ROBO1: variants seen among roughly 807,000 people sequenced by gnomAD.
The protein encoded by ROBO1 is roundabout guidance receptor 1.
A neutral mutation model predicts 195.9 loss-of-function variants in ROBO1; 149 were observed. The ratio of observed to expected loss-of-function variants is 0.76; its 90% confidence interval spans 0.67 to 0.87. ROBO1 has a LOEUF of 0.87. ROBO1 is among the 40% of genes least tolerant of loss of function. The pLI, the probability that ROBO1 is intolerant of heterozygous loss-of-function variation, is 0.00. For synonymous variants in ROBO1, 816 were observed against 733.2 expected, an observed-to-expected ratio of 1.11 and a Z score of -1.82; for missense variants, 1,933 against 2,068.3, an observed-to-expected ratio of 0.93 and a Z score of 1.27.
intron 2 of ROBO1, among the ~76,000 whole-genome samples, chr3:79,379,129 C>G (rs1168479448): frequency 2.0e-5 from 3 of 152,104 alleles, no homozygotes; most frequent in African/African-American, 7.2e-5. Flanking sequence ...ACATGTACCT[C>G]TAAGTCAACT....
intron 2 of ROBO1, among the ~76,000 whole-genome samples, chr3:79,293,188 T>C (rs537425012): frequency 6.6e-6 from 1 of 152,328 alleles, no homozygotes; most frequent in Admixed American, 6.5e-5. Flanking sequence ...TATTCTCTGA[T>C]GGTAAGTAGT....
chr3:78,963,333 C>T (rs1239800724), intron 3 of ROBO1, among the ~76,000 whole-genome samples: 6 of 151,672 alleles, frequency 4.0e-5, no homozygotes, highest in Non-Finnish European at 8.8e-5. Context: ...GTGAAGTGGG[C>T]AGACTCTCTT....
At chr3:79,335,865 T>C (rs757526614) in intron 2 of ROBO1, among the ~76,000 whole-genome samples, 2 of 152,228 alleles carry the variant, frequency 1.3e-5, no homozygotes, top group Non-Finnish European at 2.9e-5. Context: ...TGAATGGTTT[T>C]GACCAAAATG....
At chr3:78,848,605 C>A (rs1413973130) in intron 4 of ROBO1, among the ~76,000 whole-genome samples, 1 of 152,064 alleles carries the variant, frequency 6.6e-6, no homozygotes, top group African/African-American at 2.4e-5. Context: ...ATGGTCCACG[C>A]AGAAGGTGTC....
intron 2 of ROBO1, among the ~76,000 whole-genome samples, chr3:79,195,967 C>A (rs557062413): frequency 1.3e-5 from 2 of 151,594 alleles, no homozygotes; most frequent in Non-Finnish European, 3.0e-5. Context: ...AGTTAATTAA[C>A]AGACACATTA....
At chr3:78,986,161 T>C (rs1171040591) in intron 3 of ROBO1, among the ~76,000 whole-genome samples, 1 of 152,118 alleles carries the variant, frequency 6.6e-6, no homozygotes, top group African/African-American at 2.4e-5. Flanking sequence ...ATGATACATT[T>C]GCTTTGAGCC....
At chr3:79,598,782 TC>T (rs1944255527) in intron 1 of ROBO1, among the ~76,000 whole-genome samples, 2 of 151,770 alleles carry the variant, frequency 1.3e-5, no homozygotes, top group South Asian at 4.2e-4. Context: ...TGAAAGAACC[TC>T]CCCCTGGCAG....
intron 4 of ROBO1, among the ~76,000 whole-genome samples, chr3:78,850,065 C>G (rs2033954042): frequency 6.6e-6 from 1 of 152,120 alleles, no homozygotes; most frequent in South Asian, 2.1e-4. Flanking sequence ...AGGTCTGTGG[C>G]CTAGAGCAAC....
chr3:78,900,437 CTT>C lies in ROBO1; in HGVS notation c.499+38162_499+38163del, dbSNP rs1365819091. Reference sequence around the variant, plus strand: ...ATTTTGACAGACCTAAGAATATAATCTTTTTCAGTTCTTATACTGCAGCTCTA... The same window carrying C: ...ATTTTGACAGACCTAAGAATATAATCTTTCAGTTCTTATACTGCAGCTCTA... On this transcript the variant is annotated intron_variant, in intron 4 of 30. Coordinates refer to ENST00000464233, the MANE Select transcript of ROBO1 (RefSeq NM_002941.4). 2.6e-5 allele frequency among the ~76,000 whole-genome samples: 4 copies of C among 152,004 alleles called. No homozygotes were observed. The East Asian group carries it at 7.7e-4, about 29-fold the overall frequency.
intron 2 of ROBO1, among the ~76,000 whole-genome samples, chr3:79,568,282 G>A (rs1053681039): frequency 6.6e-6 from 1 of 151,984 alleles, no homozygotes; most frequent in Admixed American, 6.6e-5. Flanking sequence ...AGTTGAAACC[G>A]TCTATAGAGT....
At chr3:78,908,031 G>T (rs2038029378) in intron 4 of ROBO1, among the ~76,000 whole-genome samples, 1 of 151,730 alleles carries the variant, frequency 6.6e-6, no homozygotes, top group African/African-American at 2.4e-5. Context: ...ATAGTAAATT[G>T]TATAAAAAAC....
chr3:79,211,629 G>A (rs926155160), intron 2 of ROBO1, among the ~76,000 whole-genome samples: 1 of 152,184 alleles, frequency 6.6e-6, no homozygotes, highest in Non-Finnish European at 1.5e-5. Flanking sequence ...ATGCCTGGGG[G>A]ATGGACGTGT....
At chr3:79,687,670 A>C (rs977746794) in intron 1 of ROBO1, among the ~76,000 whole-genome samples, 2 of 152,206 alleles carry the variant, frequency 1.3e-5, no homozygotes, top group African/African-American at 4.8e-5. Context: ...CCACAATGAG[A>C]TACCATCTCA....
At chr3:79,010,499 CCATTATTATTAG>C (rs2077750223) in intron 3 of ROBO1, among the ~76,000 whole-genome samples, 1 of 152,050 alleles carries the variant, frequency 6.6e-6, no homozygotes, top group Non-Finnish European at 1.5e-5. Flanking sequence ...ATCAGTATTA[CCATTATTATTAG>C]AGATATTATT....
intron 1 of ROBO1, among the ~76,000 whole-genome samples, chr3:79,691,638 A>C (rs9821191): frequency 0.28 from 42,863 of 151,558 alleles, 7,022 homozygotes; most frequent in African/African-American, 0.46. Flanking sequence ...ATCCAATATA[A>C]ATGTAAGTAT....
At chr3:78,838,860 T>G (rs1467234912) in intron 4 of ROBO1, among the ~76,000 whole-genome samples, 1 of 152,122 alleles carries the variant, frequency 6.6e-6, no homozygotes, top group Non-Finnish European at 1.5e-5. Flanking sequence ...TCAACCTTAT[T>G]CCTCATCCCA....
At chr3:79,252,152 T>C (rs2082741587) in intron 2 of ROBO1, among the ~76,000 whole-genome samples, 2 of 152,182 alleles carry the variant, frequency 1.3e-5, no homozygotes, top group African/African-American at 4.8e-5. Flanking sequence ...TATTTTATTA[T>C]TTCTGGTCAT....
chr3:78,605,131 T>C lies in ROBO1; in HGVS notation c.4744+1602A>G, dbSNP rs568284587. On this transcript the variant is annotated intron_variant, in intron 29 of 30. Transcript: ENST00000464233. ...CACAAAAAACATATTGCAAGATCCC[T>C]TTTTTCCTCGCTTGGTTTACATTCA... 1.8e-3 allele frequency among the ~76,000 whole-genome samples: 275 copies of C among 152,324 alleles called. 2 individuals are homozygous for C. Among genetic ancestry groups the C allele is most frequent in the African/African-American group, 6.2e-3 (256 of 41,582 alleles).
At chr3:79,630,711 A>G (rs937855912) in intron 1 of ROBO1, among the ~76,000 whole-genome samples, 4 of 151,998 alleles carry the variant, frequency 2.6e-5, no homozygotes, top group African/African-American at 4.8e-5. Context: ...TGCTTATGAC[A>G]TATTCTTATA....
Sources: allele counts gnomAD v4.1 joint callset (sites outside exome capture counted in the v4.1 genomes callset), GRCh38; gene constraint gnomAD v4.1.1; transcripts MANE v1.5; gene names NCBI Gene and HGNC (gene_info 2026-07-23, HGNC 2026-07-21).